The following ZDHHC15 variants were observed in gnomAD, a reference collection of about 807,000 sequenced individuals.
ZDHHC15 encodes the protein palmitoyltransferase ZDHHC15.
ZDHHC15 carries 19 observed loss-of-function variants against 31.7 expected under a neutral mutation model. The ratio of observed to expected loss-of-function variants is 0.60; its 90% CI spans 0.42 to 0.88. The LOEUF is 0.88. Among genes scored for constraint, ZDHHC15 ranks in the 40% least tolerant of loss-of-function variants. The pLI, the probability that ZDHHC15 is intolerant of heterozygous loss-of-function variation, is 0.00. For missense variants in ZDHHC15, 209 were observed against 251.2 expected (o/e 0.83, Z 1.14); for synonymous variants, 103 against 90.0 (o/e 1.14, Z -0.82).
intron 2 of ZDHHC15, among the ~76,000 whole-genome samples, chrX:75,497,185 C>A (rs2085014698): frequency 9.0e-6 from 1 of 111,295 alleles, no homozygotes; most frequent in Non-Finnish European, 1.9e-5. Context: ...TACAAAAGAT[C>A]ATTGAAGGCT....
intron 4 of ZDHHC15, among the ~76,000 whole-genome samples, chrX:75,434,296 A>T (rs1269605381): frequency 9.1e-6 from 1 of 110,297 alleles, no homozygotes; most frequent in Non-Finnish European, 1.9e-5. Context: ...TTGTCTGTTT[A>T]CTCTGCTATT....
intron 1 of ZDHHC15, among the ~76,000 whole-genome samples, chrX:75,519,276 G>T (rs2085412063): frequency 9.0e-6 from 1 of 111,259 alleles, no homozygotes; most frequent in Non-Finnish European, 1.9e-5. Context: ...TATTTTCCTG[G>T]GTCAGGAAGA....
intron 2 of ZDHHC15, among the ~76,000 whole-genome samples, chrX:75,494,462 C>A (rs1359530442): frequency 9.0e-6 from 1 of 111,336 alleles, no homozygotes; most frequent in Admixed American, 9.6e-5. Context: ...GAAAAAAGAG[C>A]CCACATTGCC....
At chrX:75,504,218 G>A (rs768548629) in intron 2 of ZDHHC15, among the ~76,000 whole-genome samples, 1 of 111,394 alleles carries the variant, frequency 9.0e-6, no homozygotes, top group Non-Finnish European at 1.9e-5. Context: ...GAAAACTTTT[G>A]CAGTATGTTT....
chrX:75,399,871 C>T (rs1010964118), intron 10 of ZDHHC15, among the ~76,000 whole-genome samples: 2 of 111,596 alleles, frequency 1.8e-5, no homozygotes, highest in African/African-American at 6.5e-5. Context: ...AAATTCATCA[C>T]TAAAATAACC....
At chrX:75,521,928 G>A (rs752244085) in intron 1 of ZDHHC15, among the ~76,000 whole-genome samples, 11 of 111,339 alleles carry the variant, frequency 9.9e-5, no homozygotes, top group Non-Finnish European at 2.1e-4. Flanking sequence ...GCGGCCCTTT[G>A]ATGGAATAGG....
chrX:75,505,242 C>T (rs1182160384), intron 2 of ZDHHC15, among the ~76,000 whole-genome samples: 1 of 111,736 alleles, frequency 8.9e-6, no homozygotes, highest in Non-Finnish European at 1.9e-5. Context: ...AAAGTGGCTA[C>T]ATAAACACTC....
At chrX:75,468,169 C>T (rs752948034) in intron 3 of ZDHHC15, among the ~76,000 whole-genome samples, 3 of 109,799 alleles carry the variant, frequency 2.7e-5, no homozygotes, top group African/African-American at 6.7e-5. Context: ...CCTCCGCCTC[C>T]CGAGTAACTG....
chrX:75,456,965 GATA>G (rs903144362), intron 3 of ZDHHC15, among the ~76,000 whole-genome samples: 17 of 111,661 alleles, frequency 1.5e-4, no homozygotes, highest in African/African-American at 5.2e-4. Context: ...AAGAAATAGA[GATA>G]ATAATATCAT....
chrX:75,513,858 A>C (rs2085314723), intron 1 of ZDHHC15, among the ~76,000 whole-genome samples: 1 of 104,819 alleles, frequency 9.5e-6, no homozygotes, highest in Non-Finnish European at 1.9e-5. Flanking sequence ...TGAAAGCAGG[A>C]AAATTGACTT....
chrX:75,444,110 A>G (rs2147892905), intron 4 of ZDHHC15, among the ~76,000 whole-genome samples: 1 of 111,487 alleles, frequency 9.0e-6, no homozygotes, highest in African/African-American at 3.3e-5. Flanking sequence ...CAGCCATCCC[A>G]TTACTGGGTA....
intron 3 of ZDHHC15, among the ~76,000 whole-genome samples, chrX:75,466,205 A>T (rs190968599): frequency 5.4e-4 from 61 of 112,421 alleles, no homozygotes; most frequent in African/African-American, 1.9e-3. Context: ...AAAGCTCAAC[A>T]TCACTGATTA....
intron 3 of ZDHHC15, among the ~76,000 whole-genome samples, chrX:75,467,756 A>G (rs138048001): frequency 8.9e-6 from 1 of 112,278 alleles, no homozygotes; most frequent in Non-Finnish European, 1.9e-5. Context: ...CAAAATTCAC[A>G]TAACATAAAT....
intron 3 of ZDHHC15, among the ~76,000 whole-genome samples, chrX:75,467,069 A>C (rs183601541): frequency 8.0e-5 from 9 of 112,586 alleles, no homozygotes; most frequent in African/African-American, 2.9e-4. Context: ...ACAAAGAAAA[A>C]AACAAAAGTC....
At position 75,369,309 on chromosome X, in the gene ZDHHC15, ATGTG is replaced by A. The variant is rs1250398590; in HGVS notation, c.*3665_*3668del. 22 of 37,230 alleles carry A rather than the reference ATGTG, an allele frequency of 5.9e-4. No homozygotes were observed. The highest frequency in any genetic ancestry group is 3.0e-3 in the South Asian group (1 of 332). 3.1% of individuals were successfully genotyped at this position (37,230 alleles called of 1,213,427 possible). On this transcript the variant is annotated 3_prime_UTR_variant, in exon 12 of 12. Transcript: ENST00000373367. ...GAAGAGGCAGCCTGCTTTGGAGAAAATGTGTATGTGTGTGTGTGTGTGTGTGTGT... is the reference window on the plus strand; with the variant it reads ...GAAGAGGCAGCCTGCTTTGGAGAAAATATGTGTGTGTGTGTGTGTGTGTGT...
At chrX:75,375,717 A>G (rs1045906338) in intron 11 of ZDHHC15, among the ~76,000 whole-genome samples, 3 of 111,818 alleles carry the variant, frequency 2.7e-5, no homozygotes, top group African/African-American at 9.8e-5. Context: ...AGCTGCATCC[A>G]TGTTGCAGAA....
intron 9 of ZDHHC15, among the ~76,000 whole-genome samples, chrX:75,417,692 C>T (rs953556349): frequency 9.0e-6 from 1 of 111,410 alleles, no homozygotes; most frequent in African/African-American, 3.3e-5. Flanking sequence ...CCAGAGTGAG[C>T]CATCTCTAGA....
intron 10 of ZDHHC15, among the ~76,000 whole-genome samples, chrX:75,397,009 G>A (rs1041231234): frequency 4.5e-5 from 5 of 110,813 alleles, no homozygotes; most frequent in African/African-American, 1.6e-4. Flanking sequence ...TTTGGGGGTC[G>A]GGGAAGTTGG....
intron 1 of ZDHHC15, among the ~76,000 whole-genome samples, chrX:75,508,675 G>C (rs1032324452): frequency 9.1e-6 from 1 of 110,409 alleles, no homozygotes; most frequent in African/African-American, 3.3e-5. Context: ...TAATGGGGTG[G>C]CTGGGTCAAA....
Sources: gnomAD v4.1 joint callset for allele counts (sites outside exome capture counted in the v4.1 genomes callset) on GRCh38, gnomAD v4.1.1 for gene constraint, MANE v1.5 for transcripts, NCBI Gene and HGNC (gene_info 2026-07-23, HGNC 2026-07-21) for gene names.